Variants in HDAC9 observed in about 807,000 individuals in gnomAD.
The protein encoded by HDAC9 is histone deacetylase 9.
Under a neutral mutation model 139.4 loss-of-function variants are expected in HDAC9, and 41 were observed. The ratio of observed to expected loss-of-function variants is 0.29; its 90% confidence interval spans 0.23 to 0.38. The LOEUF (loss-of-function observed/expected upper bound fraction) is 0.38. Among genes scored for constraint, HDAC9 ranks in the 10% least tolerant of loss-of-function variants. The pLI, the probability that HDAC9 is intolerant of heterozygous loss-of-function variation, is 1.00. For synonymous variants in HDAC9, 517 were observed against 476.2 expected (o/e 1.09, Z -1.12); for missense variants, 1,147 against 1,297.0 (o/e 0.88, Z 1.78).
chr7:18,929,189 TCTAAA>T (rs1190652564), intron 22 of HDAC9, among the ~76,000 whole-genome samples: 1 of 152,106 alleles, frequency 6.6e-6, no homozygotes, highest in Non-Finnish European at 1.5e-5. Context: ...TCAAACAACT[TCTAAA>T]CTAGAGAAAA....
intron 1 of HDAC9, among the ~76,000 whole-genome samples, chr7:18,374,186 T>G (rs554650352): frequency 7.5e-5 from 11 of 146,870 alleles, no homozygotes; most frequent in Non-Finnish European, 1.6e-4. Flanking sequence ...AAATCTAGTG[T>G]GTATGTATGT....
chr7:18,096,416 A>G (rs1782502270), intron 1 of HDAC9, among the ~76,000 whole-genome samples: 1 of 152,210 alleles, frequency 6.6e-6, no homozygotes, highest in South Asian at 2.1e-4. Flanking sequence ...ATTTGGTGGC[A>G]GTATTTAGTT....
chr7:18,997,806 CATTTTA>C lies in HDAC9; in HGVS notation c.*1752_*1757del, dbSNP rs1012592724. ...ATGCATTTGGTTTTTTTAGGATTAC[CATTTTA>C]ATTTTAAAGACTTTTATTACATATA... On this transcript the variant is annotated 3_prime_UTR_variant, in exon 26 of 26. Transcript: ENST00000686413. The C allele has an allele frequency of 6.6e-5, 10 of 151,960 alleles. No individual in the cohort carries two copies. The highest frequency in any genetic ancestry group is 1.2e-4 in the Non-Finnish European group (8 of 67,954). The allele number at this position is 151,960 out of a possible 1,614,324, so 9.4% of individuals were successfully genotyped here.
In HDAC9 at chr7:18,188,140, C is replaced by T. The variant is rs556690285; in HGVS notation, c.25+25791C>T. Reference sequence around the variant, plus strand: ...TAACCAAAACAGCATGGTACTGGTACCAAGACAGACATATAGACCAATGGA... The same window carrying T: ...TAACCAAAACAGCATGGTACTGGTATCAAGACAGACATATAGACCAATGGA... On this transcript the variant is annotated intron_variant, in intron 2 of 12. Coordinates refer to the HDAC9 transcript ENST00000417496. 9.2e-5 allele frequency among the ~76,000 whole-genome samples: 14 copies of T among 152,230 alleles called. No homozygotes were observed. The South Asian group carries it at 2.5e-3, about 27-fold the overall frequency.
chr7:18,489,294 C>G lies in HDAC9; in HGVS notation c.-41-6968C>G, dbSNP rs547352093. On this transcript the variant is annotated intron_variant, in intron 1 of 3. Transcript: ENST00000413509. ...AACATTTAATCAATTATATAACTTT[C>G]TTTAGAATTTATACAGTTTCTTAGA... Among the ~76,000 whole-genome samples, 5 of 152,024 alleles carry G rather than the reference C, an allele frequency of 3.3e-5. No individual in the cohort carries two copies. In the East Asian group the frequency reaches 9.7e-4, roughly 29 times the overall value.
chr7:18,573,847 A>T (rs1239243261), intron 2 of HDAC9, among the ~76,000 whole-genome samples: 1 of 152,204 alleles, frequency 6.6e-6, no homozygotes, highest in Admixed American at 6.5e-5. Context: ...AGAGTGTCAC[A>T]GCCCCCTGGC....
chr7:18,676,696 C>A (rs187745413), intron 12 of HDAC9, among the ~76,000 whole-genome samples: 344 of 151,890 alleles, frequency 2.3e-3, no homozygotes, highest in Non-Finnish European at 3.8e-3. Context: ...AAATATCCAA[C>A]TTGGTTCCTT....
At chr7:18,950,713 G>C (rs2129321744) in intron 23 of HDAC9, among the ~76,000 whole-genome samples, 1 of 152,034 alleles carries the variant, frequency 6.6e-6, no homozygotes, top group African/African-American at 2.4e-5. Context: ...ATTTGCTCTA[G>C]TGGAGAATTT....
chr7:18,374,261 A>G (rs560252696), intron 1 of HDAC9, among the ~76,000 whole-genome samples: 2 of 151,840 alleles, frequency 1.3e-5, no homozygotes, highest in South Asian at 2.1e-4. Flanking sequence ...TTATATATAT[A>G]TGTAGTGTAG....
chr7:18,257,005 C>A (rs1025118986), intron 2 of HDAC9, among the ~76,000 whole-genome samples: 1 of 151,856 alleles, frequency 6.6e-6, no homozygotes, highest in African/African-American at 2.4e-5. Flanking sequence ...GGGAGGATTG[C>A]TTGAGCCTGG....
chr7:18,310,807 A>G (rs1799260301), intron 1 of HDAC9, among the ~76,000 whole-genome samples: 1 of 114,646 alleles, frequency 8.7e-6, no homozygotes, highest in Non-Finnish European at 1.7e-5. Context: ...GTACAAATCC[A>G]TTACACACAC....
At position 18,414,391 on chromosome 7, in the gene HDAC9, C is replaced by CT. The variant is rs538817266; in HGVS notation, c.-41-81859dup. On this transcript the variant is annotated intron_variant, in intron 1 of 3. Coordinates refer to the HDAC9 transcript ENST00000413509. ...CATGTCTGCTCCTTACTCATCCTTC[C>CT]TTTTTTTTTTTTGCATTGGCTGGCA... Among the ~76,000 whole-genome samples the CT allele has an allele frequency of 4.4e-3, 618 of 141,526 alleles. 2 individuals are homozygous for CT. The highest frequency in any genetic ancestry group is 0.01 in the East Asian group (50 of 4,940). 92.8% of individuals were successfully genotyped at this position (141,526 alleles called of 152,430 possible). A position where few individuals can be genotyped will look rare whatever the true frequency, so the allele number is the denominator to read the frequency against.
rs186476697 is a variant in HDAC9 at position 18,175,083 on chromosome 7, G to A, written c.25+12734G>A. Among the ~76,000 whole-genome samples, 53 of 152,260 alleles carry A rather than the reference G, an allele frequency of 3.5e-4. No individual in the cohort carries two copies. In the East Asian group the frequency reaches 8.3e-3, roughly 24 times the overall value. On this transcript the variant is annotated intron_variant, in intron 2 of 12. Coordinates refer to the HDAC9 transcript ENST00000417496. ...TAGAGGTGGAGTCTACAGAGGCAGC[G>A]GGCCTTGCTGAGCTGTGGTGGGCTC...
intron 2 of HDAC9, among the ~76,000 whole-genome samples, chr7:18,527,369 T>G (rs528471449): frequency 6.6e-6 from 1 of 152,184 alleles, no homozygotes; most frequent in African/African-American, 2.4e-5. Flanking sequence ...TTTTGCTATA[T>G]GGACTATATG....
At position 18,348,264 on chromosome 7, in the gene HDAC9, T is replaced by C. The variant is rs190903806; in HGVS notation, c.-42+57749T>C. 2.1e-4 allele frequency among the ~76,000 whole-genome samples: 32 copies of C among 152,320 alleles called. No homozygotes were observed. In the East Asian group the frequency reaches 5.8e-3, roughly 28 times the overall value. On this transcript the variant is annotated intron_variant, in intron 1 of 3. Coordinates refer to the HDAC9 transcript ENST00000413509. ...ATGTCAGCGATTAAGAGGTAAGATA[T>C]GGAGTATAGATTCGTATGTTCATTT...
chr7:18,142,595 T>C (rs530936547), intron 1 of HDAC9, among the ~76,000 whole-genome samples: 4 of 152,182 alleles, frequency 2.6e-5, no homozygotes, highest in Non-Finnish European at 5.9e-5. Context: ...AATTCCCTAG[T>C]TGTTTCTCTG....
chr7:18,721,641 C>T (rs1465348367), intron 12 of HDAC9, among the ~76,000 whole-genome samples: 4 of 152,096 alleles, frequency 2.6e-5, no homozygotes, highest in Non-Finnish European at 5.9e-5. Context: ...TAACCACCCA[C>T]AGGTCAGGAA....
intron 21 of HDAC9, among the ~76,000 whole-genome samples, chr7:18,874,237 T>A (rs968023799): frequency 4.0e-5 from 6 of 151,578 alleles, no homozygotes; most frequent in Admixed American, 3.9e-4. Flanking sequence ...CAAAGCAGTT[T>A]TTTTTTTTTT....
intron 24 of HDAC9, among the ~76,000 whole-genome samples, chr7:18,956,655 C>T (rs554797919): frequency 2.6e-5 from 4 of 152,274 alleles, no homozygotes; most frequent in Admixed American, 6.5e-5. Context: ...CACATCTACT[C>T]AAAAGGAGTC....
Sources: gnomAD v4.1 joint callset for allele counts (sites outside exome capture counted in the v4.1 genomes callset) on GRCh38, gnomAD v4.1.1 for gene constraint, MANE v1.5 for transcripts, NCBI Gene and HGNC (gene_info 2026-07-23, HGNC 2026-07-21) for gene names.